Variants in GATAD2B observed in about 807,000 individuals in gnomAD.
GATAD2B encodes GATA zinc finger domain containing 2B.
In GATAD2B, 8 loss-of-function variants were observed where a neutral mutation model predicts 64.3. That is an observed-to-expected ratio of 0.12 (90% CI 0.07 to 0.22). The LOEUF is 0.22. Among genes scored for constraint, GATAD2B ranks in the 10% least tolerant of loss-of-function variants. The pLI, the probability that GATAD2B is intolerant of heterozygous loss-of-function variation, is 1.00. For synonymous variants in GATAD2B, 281 were observed against 271.3 expected, an observed-to-expected ratio of 1.04 and a Z score of -0.35; for missense variants, 453 against 752.0, an observed-to-expected ratio of 0.60 and a Z score of 4.65.
chr1:153,819,988 C>T (rs909496629), intron 2 of GATAD2B, among the ~76,000 whole-genome samples: 5 of 151,620 alleles, frequency 3.3e-5, no homozygotes, highest in African/African-American at 1.2e-4. Context: ...GTCCCAGCTA[C>T]TCAGGAAGCT....
chr1:153,899,163 G>A (rs529105214), intron 1 of GATAD2B, among the ~76,000 whole-genome samples: 6 of 152,352 alleles, frequency 3.9e-5, no homozygotes, highest in African/African-American at 7.2e-5. Flanking sequence ...ACTGAGGCTA[G>A]AGGACTGCTT....
chr1:153,863,889 G>T (rs1676392575), intron 1 of GATAD2B, among the ~76,000 whole-genome samples: 1 of 152,136 alleles, frequency 6.6e-6, no homozygotes. Flanking sequence ...CTCACAAAGT[G>T]CTGGGATTAC....
chr1:153,877,260 T>C (rs768685556), intron 1 of GATAD2B, among the ~76,000 whole-genome samples: 1 of 151,932 alleles, frequency 6.6e-6, no homozygotes, highest in Non-Finnish European at 1.5e-5. Context: ...AAAGGATCAC[T>C]TGAGCCCAGG....
At chr1:153,822,164 G>C (rs994159093) in intron 2 of GATAD2B, among the ~76,000 whole-genome samples, 1 of 152,000 alleles carries the variant, frequency 6.6e-6, no homozygotes, top group African/African-American at 2.4e-5. Flanking sequence ...CTGGGTGACA[G>C]AGCAAAACTC....
At chr1:153,852,533 A>G in intron 1 of GATAD2B, 1 of 767,518 alleles carries the variant, frequency 1.3e-6, no homozygotes. Flanking sequence ...CATCGTATCC[A>G]ATATTCCTTT....
chr1:153,834,333 A>T (rs1411886719), intron 1 of GATAD2B, among the ~76,000 whole-genome samples: 2 of 152,000 alleles, frequency 1.3e-5, no homozygotes, highest in Non-Finnish European at 2.9e-5. Flanking sequence ...ATAAAAATTT[A>T]AAAAACCTCC....
At position 153,810,068 on chromosome 1, in the gene GATAD2B, C is replaced by T; in HGVS notation, c.*109G>A. 1 of 1,074,040 alleles carries T rather than the reference C, an allele frequency of 9.3e-7. No individual in the cohort carries two copies. Among genetic ancestry groups the T allele is most frequent in the South Asian group, 1.7e-5 (1 of 58,862 alleles). 66.5% of individuals were successfully genotyped at this position (1,074,040 alleles called of 1,614,324 possible). On this transcript the variant is annotated 3_prime_UTR_variant, in exon 11 of 11. Transcript: ENST00000368655. Reference sequence around the variant, plus strand: ...GTCTTCTGTTTTTCTGTTTTGCTTTCCGTGTATGGTAGGCACCAGTACAGG... The same window carrying T: ...GTCTTCTGTTTTTCTGTTTTGCTTTTCGTGTATGGTAGGCACCAGTACAGG...
intron 1 of GATAD2B, among the ~76,000 whole-genome samples, chr1:153,863,614 T>C (rs963008679): frequency 2.0e-5 from 3 of 151,962 alleles, no homozygotes; most frequent in Non-Finnish European, 2.9e-5. Flanking sequence ...TACTCATCTA[T>C]AAAAATTCTG....
chr1:153,887,179 T>A (rs937022482), intron 1 of GATAD2B, among the ~76,000 whole-genome samples: 1 of 152,156 alleles, frequency 6.6e-6, no homozygotes, highest in African/African-American at 2.4e-5. Context: ...AAAGAAAACA[T>A]CAGTTCTTTG....
At chr1:153,846,821 A>G (rs886410649) in intron 1 of GATAD2B, among the ~76,000 whole-genome samples, 1 of 151,788 alleles carries the variant, frequency 6.6e-6, no homozygotes, top group South Asian at 2.1e-4. Flanking sequence ...GGCCTCCCCA[A>G]GTGCTGGGAT....
At chr1:153,899,810 T>C (rs991606375) in intron 1 of GATAD2B, among the ~76,000 whole-genome samples, 3 of 152,206 alleles carry the variant, frequency 2.0e-5, no homozygotes, top group Non-Finnish European at 1.5e-5. Flanking sequence ...GTTGGTGCGG[T>C]TGTAAACTGG....
At chr1:153,850,369 G>T (rs1675845842) in intron 1 of GATAD2B, among the ~76,000 whole-genome samples, 2 of 151,994 alleles carry the variant, frequency 1.3e-5, no homozygotes. Flanking sequence ...GCACAAACTT[G>T]GCTCACTGCA....
intron 8 of GATAD2B, 53 bp from the exon 9 acceptor site, chr1:153,812,185 A>T: frequency 3.4e-6 from 3 of 874,268 alleles, no homozygotes; most frequent in Non-Finnish European, 5.2e-6. Flanking sequence ...CCAATACCCA[A>T]TTTCCTTTTT....
At position 153,819,715 on chromosome 1, in the gene GATAD2B, A is replaced by G; in HGVS notation, c.356T>C (p.Leu119Pro). ...ARRSEPERGR[L>P]TPSPDIIVLS... Reference sequence around the variant, plus strand: ...AACAATGATGTCTGGTGAGGGAGTTAGCCTTCCTCGCTCTGGCTCACTAGA... The same window carrying G: ...AACAATGATGTCTGGTGAGGGAGTTGGCCTTCCTCGCTCTGGCTCACTAGA... Residue 119 changes from leucine (L) to proline (P), a missense_variant, in exon 3 of 11, where the codon CTA (leucine) becomes CCA (proline). This residue lies in a region of GATAD2B where 293 missense variants were observed against 417.2 expected (regional missense o/e 0.70). Coordinates refer to ENST00000368655, the MANE Select transcript of GATAD2B (RefSeq NM_020699.4). 3 of 1,609,274 alleles carry G rather than the reference A, an allele frequency of 1.9e-6. No homozygotes were observed. Among genetic ancestry groups the G allele is most frequent in the Non-Finnish European group, 2.5e-6 (3 of 1,177,744 alleles).
chr1:153,829,451 T>A (rs1167853842), intron 1 of GATAD2B, among the ~76,000 whole-genome samples: 2 of 151,566 alleles, frequency 1.3e-5, no homozygotes, highest in Non-Finnish European at 3.0e-5. Context: ...TTTTTTCTAT[T>A]CCAGGGCTGG....
chr1:153,833,999 TGG>T, intron 1 of GATAD2B, among the ~76,000 whole-genome samples: 1 of 151,226 alleles, frequency 6.6e-6, no homozygotes, highest in Non-Finnish European at 1.5e-5. Context: ...TGTTTTTTTT[TGG>T]TTGTTTTTTG....
At chr1:153,900,470 T>C (rs1340751618) in intron 1 of GATAD2B, among the ~76,000 whole-genome samples, 1 of 152,146 alleles carries the variant, frequency 6.6e-6, no homozygotes, top group East Asian at 1.9e-4. Flanking sequence ...TGACCATTAA[T>C]CTGGGACCAG....
At chr1:153,818,951 G>A in intron 3 of GATAD2B, 29 bp from the exon 4 acceptor site, 2 of 1,602,224 alleles carry the variant, frequency 1.2e-6, no homozygotes, top group Non-Finnish European at 1.7e-6. Flanking sequence ...TTTCAGCTAT[G>A]GCAGCAAGGT....
chr1:153,826,087 T>G (rs1011214212), intron 2 of GATAD2B, among the ~76,000 whole-genome samples: 1 of 150,886 alleles, frequency 6.6e-6, no homozygotes, highest in Admixed American at 6.6e-5. Context: ...CACTGCAACC[T>G]CCACCTCCCG....
Sources: allele counts gnomAD v4.1 joint callset (sites outside exome capture counted in the v4.1 genomes callset), GRCh38; gene constraint gnomAD v4.1.1; regional missense constraint gnomAD v4.1.1; transcripts MANE v1.5; gene names NCBI Gene and HGNC (gene_info 2026-07-23, HGNC 2026-07-21).